The following ASRGL1 variants were observed in gnomAD, a reference collection of about 807,000 sequenced individuals.
The protein encoded by ASRGL1 is isoaspartyl peptidase/L-asparaginase.
A neutral mutation model predicts 22.4 loss-of-function variants in ASRGL1; 16 were observed. The ratio of observed to expected loss-of-function variants is 0.71; its 90% CI spans 0.48 to 1.08. The LOEUF (loss-of-function observed/expected upper bound fraction) is 1.08, where lower values mean the gene tolerates loss of function less well. ASRGL1 is among the 50% of genes least tolerant of loss of function. The pLI is 0.00. For missense variants in ASRGL1, 412 were observed against 410.1 expected (o/e 1.00, Z -0.04); for synonymous variants, 165 against 159.3 (o/e 1.04, Z -0.27).
At position 62,355,958 on chromosome 11, in the gene ASRGL1, G is replaced by C. The variant is rs564243418; in HGVS notation, c.191-367G>C. Among the ~76,000 whole-genome samples the C allele has an allele frequency of 3.3e-5, 5 of 152,302 alleles. No individual in the cohort carries two copies. In the South Asian group the frequency reaches 8.3e-4, roughly 25 times the overall value. Reference sequence around the variant, plus strand: ...TGGGGGTAAGGTCACAGATCAACAGGATCCCAAGGCAGAAGAATTTTTCTT... The same window carrying C: ...TGGGGGTAAGGTCACAGATCAACAGCATCCCAAGGCAGAAGAATTTTTCTT... On this transcript the variant is annotated intron_variant, in intron 2 of 6. Transcript: ENST00000415229.
chr11:62,343,576 A>G (rs1161614023), intron 2 of ASRGL1, among the ~76,000 whole-genome samples: 1 of 150,714 alleles, frequency 6.6e-6, no homozygotes, highest in African/African-American at 2.4e-5. Context: ...AAAAATACAA[A>G]AATTAGCCAG....
chr11:62,398,536 G>A, the ASRGL1 span, among the ~76,000 whole-genome samples: 5,622 of 152,236 alleles, frequency 0.037, 148 homozygotes, highest in Middle Eastern at 0.068. Context: ...GAAGATCCCC[G>A]GGGGCTCGAA....
chr11:62,382,566 A>T (rs1264279740), intron 4 of ASRGL1: 2 of 152,002 alleles, frequency 1.3e-5, no homozygotes, highest in African/African-American at 4.8e-5. Flanking sequence ...TCTATTGCCC[A>T]GGGACAAGCA....
At chr11:62,395,686 C>T (rs1402843431), downstream of ASRGL1, among the ~76,000 whole-genome samples, 1 of 150,982 alleles carries the variant, frequency 6.6e-6, no homozygotes, top group Non-Finnish European at 1.5e-5. Flanking sequence ...CCCCCACCTG[C>T]TCCTCTGAAG....
intron 4 of ASRGL1, among the ~76,000 whole-genome samples, chr11:62,386,025 G>C (rs1947192317): frequency 1.3e-5 from 2 of 152,000 alleles, no homozygotes; most frequent in Admixed American, 6.6e-5. Flanking sequence ...AGCTGGGCAT[G>C]GTGACACACG....
At chr11:62,372,090 C>T in intron 4 of ASRGL1, 1 of 771,990 alleles carries the variant, frequency 1.3e-6, no homozygotes, top group Non-Finnish European at 2.4e-6. Flanking sequence ...TCCTGTGCTG[C>T]ACACAGCCTC....
chr11:62,343,377 CAAAAA>C (rs35798082), intron 2 of ASRGL1, among the ~76,000 whole-genome samples: 1 of 86,350 alleles, frequency 1.2e-5, no homozygotes. Context: ...GACCCTGTCT[CAAAAA>C]AAAAAAAAAA....
chr11:62,363,167 T>C (rs930430672), intron 4 of ASRGL1, among the ~76,000 whole-genome samples: 1 of 151,568 alleles, frequency 6.6e-6, no homozygotes, highest in Admixed American at 6.6e-5. Context: ...TCTCCTGACC[T>C]GATGATCTGC....
At chr11:62,396,121 T>A (rs1233249131), downstream of ASRGL1, among the ~76,000 whole-genome samples, 1 of 151,332 alleles carries the variant, frequency 6.6e-6, no homozygotes. Context: ...CTTGTCTGGC[T>A]AAAAAAAATG....
intron 4 of ASRGL1, among the ~76,000 whole-genome samples, chr11:62,370,949 T>G (rs565458267): frequency 6.6e-6 from 1 of 152,154 alleles, no homozygotes; most frequent in South Asian, 2.1e-4. Context: ...GTACTGACAG[T>G]AGGTACTGCT....
rs910617092 is a variant in ASRGL1, at chr11:62,369,203, A to T, written c.491+12059A>T. ...GGGTAGTTGAGATTAGAGAATGGTGATGACTTTTAACAAGCATACTGCCTT... is the reference window on the plus strand; with the variant it reads ...GGGTAGTTGAGATTAGAGAATGGTGTTGACTTTTAACAAGCATACTGCCTT... On this transcript the variant is annotated intron_variant, in intron 4 of 6. Transcript: ENST00000415229. Among the ~76,000 whole-genome samples the T allele has an allele frequency of 3.3e-5, 5 of 152,266 alleles. No individual in the cohort carries two copies. The South Asian group carries it at 1.0e-3, about 32-fold the overall frequency.
At chr11:62,398,031 G>A (rs1947451346), downstream of ASRGL1, among the ~76,000 whole-genome samples, 2 of 151,980 alleles carry the variant, frequency 1.3e-5, no homozygotes, top group Admixed American at 1.3e-4. Flanking sequence ...TTGAGTGAGG[G>A]AAGCACCTGG....
rs1181591543 is a variant in ASRGL1, at chr11:62,374,559, C to T, written c.492-14574C>T. Among the ~76,000 whole-genome samples, 3 of 152,214 alleles carry T rather than the reference C, an allele frequency of 2.0e-5. No individual in the cohort carries two copies. The East Asian group carries it at 5.8e-4, about 29-fold the overall frequency. ...CAAGTTTTTTCTTTAGCTATTGTTA[C>T]CACTTGTCACTGTCTCCATGTTAAA... On this transcript the variant is annotated intron_variant, in intron 4 of 6. Coordinates refer to ENST00000415229, the MANE Select transcript of ASRGL1 (RefSeq NM_001083926.2).
At chr11:62,347,254 A>C (rs1449196645) in intron 2 of ASRGL1, among the ~76,000 whole-genome samples, 1 of 152,178 alleles carries the variant, frequency 6.6e-6, no homozygotes, top group Non-Finnish European at 1.5e-5. Flanking sequence ...TTCTAAATAA[A>C]ACTAATTATT....
Position 62,392,102 on chromosome 11 carries a change from G to A in ASRGL1, c.745G>A (p.Asp249Asn). Residue 249 changes from aspartate (D) to asparagine (N), a missense_variant, in exon 7 of 7, where the codon GAC becomes AAC. Asp to Asn is a conservative substitution (Grantham distance 23, BLOSUM62 1). Transcript: ENST00000415229. ...EQGKTVEEAADLSLGYMKSRV... is the reference protein window; with the variant it reads ...EQGKTVEEAANLSLGYMKSRV... ...AGGAAAGACGGTAGAAGAGGCTGCGGACCTATCGTTGGGTTATATGAAGTC... is the reference window on the plus strand; with the variant it reads ...AGGAAAGACGGTAGAAGAGGCTGCGAACCTATCGTTGGGTTATATGAAGTC... 1 of 1,614,220 alleles carries A rather than the reference G, an allele frequency of 6.2e-7. No individual in the cohort carries two copies. Among genetic ancestry groups the A allele is most frequent in the Non-Finnish European group, 8.5e-7 (1 of 1,180,032 alleles).
chr11:62,343,239 G>A (rs746202833), intron 2 of ASRGL1, among the ~76,000 whole-genome samples: 14 of 151,168 alleles, frequency 9.3e-5, no homozygotes, highest in Non-Finnish European at 1.9e-4. Flanking sequence ...TTAGCCAAGT[G>A]CAGTGGTGGG....
chr11:62,371,127 C>G (rs1012376059), intron 4 of ASRGL1: 2 of 978,492 alleles, frequency 2.0e-6, no homozygotes, highest in Non-Finnish European at 1.4e-6. Flanking sequence ...TCCAACCAGC[C>G]GCAACCATGC....
At chr11:62,396,785 T>A (rs1011774742), downstream of ASRGL1, among the ~76,000 whole-genome samples, 2 of 145,388 alleles carry the variant, frequency 1.4e-5, no homozygotes, top group Admixed American at 6.9e-5. Flanking sequence ...TTTTTTTTTT[T>A]AATCACTGAT....
At chr11:62,397,682 A>T (rs79657755), downstream of ASRGL1, among the ~76,000 whole-genome samples, 1 of 75,820 alleles carries the variant, frequency 1.3e-5, no homozygotes, top group Non-Finnish European at 2.8e-5. Context: ...AAAAAAAAAA[A>T]CCACGGGAAA....
Sources: gnomAD v4.1 joint callset for allele counts (sites outside exome capture counted in the v4.1 genomes callset) on GRCh38, gnomAD v4.1.1 for gene constraint, MANE v1.5 for transcripts, NCBI Gene and HGNC (gene_info 2026-07-23, HGNC 2026-07-21) for gene names.